MEGF10: variants seen among roughly 807,000 people sequenced by gnomAD.
MEGF10 encodes multiple epidermal growth factor-like domains protein 10.
A neutral mutation model predicts 147.5 loss-of-function variants in MEGF10; 86 were observed. That is an observed-to-expected ratio of 0.58 (90% CI 0.49 to 0.70). The LOEUF (loss-of-function observed/expected upper bound fraction) is 0.70, where lower values mean the gene tolerates loss of function less well. Among genes scored for constraint, MEGF10 ranks in the 30% least tolerant of loss-of-function variants. The probability of loss-of-function intolerance (pLI) is 0.00; values close to 1 mark genes in which losing one functional copy is unlikely to be tolerated. For synonymous variants in MEGF10, 478 were observed against 525.5 expected (o/e 0.91, Z 1.24); for missense variants, 1,329 against 1,487.3 (o/e 0.89, Z 1.75).
At chr5:127,321,443 G>A (rs963719965) in intron 1 of MEGF10, among the ~76,000 whole-genome samples, 30 of 152,032 alleles carry the variant, frequency 2.0e-4, no homozygotes, top group African/African-American at 6.0e-4. Flanking sequence ...GTGTGTGTGC[G>A]TGTTCATGCA....
chr5:127,330,143 C>CA (rs1761196066), intron 1 of MEGF10, among the ~76,000 whole-genome samples: 1 of 152,186 alleles, frequency 6.6e-6, no homozygotes, highest in African/African-American at 2.4e-5. Context: ...GTTCAATAGA[C>CA]AAGTCCTGTC....
At chr5:127,356,747 C>T (rs1477673891) in intron 4 of MEGF10, among the ~76,000 whole-genome samples, 2 of 152,188 alleles carry the variant, frequency 1.3e-5, no homozygotes, top group Admixed American at 6.5e-5. Flanking sequence ...TTGAATCCCT[C>T]TAGTGTGAGA....
At chr5:127,378,879 T>A (rs1368874697) in intron 5 of MEGF10, among the ~76,000 whole-genome samples, 2 of 151,746 alleles carry the variant, frequency 1.3e-5, no homozygotes, top group East Asian at 3.9e-4. Flanking sequence ...TGGTGCATTA[T>A]TTCCAACCTC....
intron 24 of MEGF10, among the ~76,000 whole-genome samples, chr5:127,456,432 T>C (rs562972979): frequency 6.6e-6 from 1 of 152,350 alleles, no homozygotes; most frequent in East Asian, 1.9e-4. Flanking sequence ...TTTCTCTCTC[T>C]CTCTCTGTCT....
chr5:127,322,060 A>G (rs2126763848), intron 1 of MEGF10, among the ~76,000 whole-genome samples: 1 of 142,288 alleles, frequency 7.0e-6, no homozygotes, highest in African/African-American at 2.6e-5. Flanking sequence ...CAGCTTCTTC[A>G]ATTAGCGCTT....
chr5:127,339,790 C>T (rs1323773309), intron 3 of MEGF10, among the ~76,000 whole-genome samples: 1 of 152,142 alleles, frequency 6.6e-6, no homozygotes, highest in Non-Finnish European at 1.5e-5. Flanking sequence ...TTGTACTGCA[C>T]TAAATGATGT....
At chr5:127,358,760 G>A (rs1762367668) in intron 4 of MEGF10, among the ~76,000 whole-genome samples, 1 of 152,098 alleles carries the variant, frequency 6.6e-6, no homozygotes, top group Admixed American at 6.5e-5. Context: ...ACCTGTTGTA[G>A]GTTCAGTTGT....
the MEGF10 span, among the ~76,000 whole-genome samples, chr5:127,261,922 CT>C: frequency 2.0e-5 from 3 of 152,188 alleles, no homozygotes; most frequent in African/African-American, 7.2e-5. Context: ...GGAGAAATGT[CT>C]GTTCAGATGC....
chr5:127,321,848 T>C (rs1760798298), intron 1 of MEGF10, among the ~76,000 whole-genome samples: 1 of 152,060 alleles, frequency 6.6e-6, no homozygotes, highest in African/African-American at 2.4e-5. Flanking sequence ...CCCCCTACCA[T>C]GGGAAGGGAA....
chr5:127,300,497 G>T (rs140016196), intron 1 of MEGF10, among the ~76,000 whole-genome samples: 1 of 152,264 alleles, frequency 6.6e-6, no homozygotes, highest in African/African-American at 2.4e-5. Flanking sequence ...GCCCAACAAG[G>T]GCTTCTGGGA....
the MEGF10 span, among the ~76,000 whole-genome samples, chr5:127,244,482 C>T: frequency 2.6e-5 from 4 of 151,622 alleles, no homozygotes; most frequent in South Asian, 2.1e-4. Flanking sequence ...GCATTTTTTC[C>T]AAGTTGAAGA....
intron 12 of MEGF10, among the ~76,000 whole-genome samples, chr5:127,420,671 A>G (rs1052563341): frequency 1.3e-5 from 2 of 152,202 alleles, no homozygotes; most frequent in African/African-American, 4.8e-5. Flanking sequence ...GTCTTTTAAC[A>G]TAAGTATCTC....
intron 13 of MEGF10, chr5:127,424,622 G>A (rs1189185991): frequency 1.3e-5 from 16 of 1,226,988 alleles, no homozygotes; most frequent in Middle Eastern, 6.3e-4. Context: ...GATTTCTAGT[G>A]TCTGAGAGCT....
chr5:127,321,284 C>T (rs1471933518), intron 1 of MEGF10, among the ~76,000 whole-genome samples: 1 of 152,124 alleles, frequency 6.6e-6, no homozygotes, highest in Non-Finnish European at 1.5e-5. Context: ...TTCTGTTCTA[C>T]TATTTCTTAC....
intron 18 of MEGF10, among the ~76,000 whole-genome samples, chr5:127,442,328 G>A (rs1765783230): frequency 6.6e-6 from 1 of 152,130 alleles, no homozygotes; most frequent in Non-Finnish European, 1.5e-5. Context: ...TCAATATTTT[G>A]TCACGAAGAT....
intron 4 of MEGF10, among the ~76,000 whole-genome samples, chr5:127,347,610 C>T (rs1339748851): frequency 6.6e-6 from 1 of 152,002 alleles, no homozygotes; most frequent in Non-Finnish European, 1.5e-5. Flanking sequence ...TCTCTGCTTT[C>T]AACATATAAC....
chr5:127,339,940 T>A (rs890862615), intron 3 of MEGF10, among the ~76,000 whole-genome samples: 1 of 152,216 alleles, frequency 6.6e-6, no homozygotes, highest in Non-Finnish European at 1.5e-5. Context: ...CATTATATGA[T>A]CTAATCATTT....
chr5:127,407,185 T>G (rs971775973), intron 8 of MEGF10, among the ~76,000 whole-genome samples: 4 of 152,196 alleles, frequency 2.6e-5, no homozygotes, highest in African/African-American at 9.7e-5. Flanking sequence ...CAGTGCTTTT[T>G]ACATTTCCCC....
At chr5:127,410,315 C>A (rs1764504639) in intron 8 of MEGF10, 74 bp from the exon 9 acceptor site, 2 of 1,410,700 alleles carry the variant, frequency 1.4e-6, no homozygotes, top group Non-Finnish European at 2.0e-6. Flanking sequence ...ATAACAAAGC[C>A]ATTCCAAATT....
Sources: allele counts gnomAD v4.1 joint callset (sites outside exome capture counted in the v4.1 genomes callset), GRCh38; gene constraint gnomAD v4.1.1; transcripts MANE v1.5; gene names NCBI Gene and HGNC (gene_info 2026-07-23, HGNC 2026-07-21).